CNTN5: variants seen among roughly 807,000 people sequenced by gnomAD.
CNTN5 encodes the protein contactin-5.
Under a neutral mutation model 129.1 loss-of-function variants are expected in CNTN5, and 77 were observed. The observed-to-expected ratio is 0.60, with a 90% CI of 0.50 to 0.72. The LOEUF is 0.72. Ranked by LOEUF, CNTN5 falls within the 30% of genes least tolerant of loss-of-function variation. The pLI is 0.00. For synonymous variants in CNTN5, 509 were observed against 465.6 expected, an observed-to-expected ratio of 1.09 and a Z score of -1.20; for missense variants, 1,478 against 1,328.8, an observed-to-expected ratio of 1.11 and a Z score of -1.75.
In CNTN5 at chr11:99,706,642, C is replaced by G. The variant is rs528245985; in HGVS notation, c.56-112902C>G. Among the ~76,000 whole-genome samples the G allele has an allele frequency of 5.9e-5, 9 of 151,460 alleles. No individual in the cohort carries two copies. The South Asian group carries it at 1.9e-3, about 31-fold the overall frequency. The stretch of plus-strand genomic sequence containing the variant: ...TGGTGTCGTCAGAAACTATTTTTCT[C>G]TCTTGGGTAGAAGTCACTTTTAAAC... On this transcript the variant is annotated intron_variant, in intron 3 of 24. Transcript: ENST00000524871.
chr11:99,732,830 C>A (rs555904702), intron 3 of CNTN5, among the ~76,000 whole-genome samples: 1 of 150,902 alleles, frequency 6.6e-6, no homozygotes, highest in South Asian at 2.2e-4. Flanking sequence ...GGACTGAAAG[C>A]GACCAGTTAA....
intron 1 of CNTN5, among the ~76,000 whole-genome samples, chr11:99,289,293 A>T (rs61893129): frequency 0.04 from 6,037 of 151,780 alleles, 222 homozygotes; most frequent in East Asian, 0.16. Context: ...AGCCATTTAA[A>T]TAGTCACAAA....
intron 13 of CNTN5, among the ~76,000 whole-genome samples, chr11:100,099,172 A>C (rs1945127448): frequency 1.3e-5 from 2 of 152,108 alleles, no homozygotes; most frequent in South Asian, 4.1e-4. Context: ...AAACATAAAA[A>C]CAGTGAGGCC....
chr11:99,278,311 G>T (rs1863541294), intron 1 of CNTN5, among the ~76,000 whole-genome samples: 1 of 151,640 alleles, frequency 6.6e-6, no homozygotes, highest in Non-Finnish European at 1.5e-5. Context: ...AAGTTTAACA[G>T]ATGTAGTCAT....
In CNTN5 at chr11:99,745,319, C is replaced by T. The variant is rs192813253; in HGVS notation, c.56-74225C>T. ...GTAAACTGACTCTACACTTCTGTAA[C>T]CCTCCCAGAAATATCAGTAAACATT... On this transcript the variant is annotated intron_variant, in intron 3 of 24. Transcript: ENST00000524871. Among the ~76,000 whole-genome samples, 445 of 152,220 alleles carry T rather than the reference C, an allele frequency of 2.9e-3. 3 individuals are homozygous for T. The highest frequency in any genetic ancestry group is 0.01 in the African/African-American group (425 of 41,524).
At chr11:99,768,357 A>G (rs1258424935) in intron 3 of CNTN5, among the ~76,000 whole-genome samples, 3 of 152,154 alleles carry the variant, frequency 2.0e-5, no homozygotes, top group African/African-American at 7.2e-5. Context: ...TAAGAAGAAC[A>G]TCGTCCTATA....
At position 100,162,842 on chromosome 11, in the gene CNTN5, A is replaced by G. The variant is rs1222864092; in HGVS notation, c.1581-28284A>G. ...TAACTGCCTTTTTTCCCCAGTTGCTAAGTAATATTTCACCTTTCATCAGAA... is the reference window on the plus strand; with the variant it reads ...TAACTGCCTTTTTTCCCCAGTTGCTGAGTAATATTTCACCTTTCATCAGAA... On this transcript the variant is annotated intron_variant, in intron 13 of 24. Transcript: ENST00000524871. Among the ~76,000 whole-genome samples the G allele has an allele frequency of 1.4e-4, 21 of 151,800 alleles. 1 individual carries two copies. The highest frequency in any genetic ancestry group is 1.4e-3 in the Admixed American group (21 of 15,192).
intron 18 of CNTN5, among the ~76,000 whole-genome samples, chr11:100,291,436 T>A (rs4323836): frequency 2.2e-5 from 3 of 135,798 alleles, no homozygotes; most frequent in Non-Finnish European, 4.8e-5. Context: ...CCATAAAATA[T>A]GATGAGTTCA....
chr11:100,231,742 A>T (rs1008175643), intron 16 of CNTN5, among the ~76,000 whole-genome samples: 1 of 152,200 alleles, frequency 6.6e-6, no homozygotes, highest in Non-Finnish European at 1.5e-5. Context: ...AGGGTTCTCC[A>T]TTCTATTCTA....
chr11:99,232,628 T>TA lies in CNTN5; in HGVS notation c.-209-92718_-209-92717insA, dbSNP rs1861062490. 2.6e-5 allele frequency among the ~76,000 whole-genome samples: 4 copies of TA among 152,310 alleles called. No individual in the cohort carries two copies. The South Asian group carries it at 8.3e-4, about 32-fold the overall frequency. ...GACAATTTGACTTCCTGTCTTCCTA[T>TA]TCGAATGCCCTTTATTTCTTTCTCT... On this transcript the variant is annotated intron_variant, in intron 1 of 24. Transcript: ENST00000524871.
At chr11:99,825,605 T>C (rs1946929040) in intron 4 of CNTN5, among the ~76,000 whole-genome samples, 1 of 152,084 alleles carries the variant, frequency 6.6e-6, no homozygotes, top group Non-Finnish European at 1.5e-5. Context: ...ACTATCTTAG[T>C]CTTTATCTGT....
intron 1 of CNTN5, among the ~76,000 whole-genome samples, chr11:99,061,617 A>G (rs1178225558): frequency 6.6e-6 from 1 of 152,164 alleles, no homozygotes; most frequent in Non-Finnish European, 1.5e-5. Flanking sequence ...GCAAAGCAAA[A>G]TCTTCATAAA....
At chr11:100,327,839 CA>C (rs1443875988) in intron 21 of CNTN5, among the ~76,000 whole-genome samples, 4 of 152,092 alleles carry the variant, frequency 2.6e-5, no homozygotes, top group South Asian at 2.1e-4. Flanking sequence ...AATAGAAAGA[CA>C]AAATTTGATT....
intron 6 of CNTN5, among the ~76,000 whole-genome samples, chr11:99,907,463 T>C (rs940017906): frequency 6.6e-6 from 1 of 152,142 alleles, no homozygotes; most frequent in African/African-American, 2.4e-5. Context: ...AACTATGTTG[T>C]CCAGTTGCCT....
intron 1 of CNTN5, among the ~76,000 whole-genome samples, chr11:99,045,289 C>T (rs1864161654): frequency 1.3e-5 from 2 of 152,134 alleles, no homozygotes; most frequent in Non-Finnish European, 2.9e-5. Context: ...AATAATTATA[C>T]ATATATCAAA....
chr11:99,622,750 C>T lies in CNTN5; in HGVS notation c.55+66481C>T, dbSNP rs1950993366. Among the ~76,000 whole-genome samples, 3 of 151,974 alleles carry T rather than the reference C, an allele frequency of 2.0e-5. No individual in the cohort carries two copies. The East Asian group carries it at 5.8e-4, about 29-fold the overall frequency. ...GATTATTCAATGAAAAGGCCCGTTC[C>T]CTGGAAAGGTTATACACATGACTTT... is the stretch of plus-strand genomic sequence containing the variant. On this transcript the variant is annotated intron_variant, in intron 3 of 24. Transcript: ENST00000524871.
At chr11:99,414,600 A>C (rs1942560714) in intron 2 of CNTN5, among the ~76,000 whole-genome samples, 1 of 152,116 alleles carries the variant, frequency 6.6e-6, no homozygotes. Flanking sequence ...CTATATAATC[A>C]GGGCAGATAG....
At chr11:99,792,563 G>GTC (rs1565538249) in intron 3 of CNTN5, among the ~76,000 whole-genome samples, 1 of 123,618 alleles carries the variant, frequency 8.1e-6, no homozygotes, top group Admixed American at 9.2e-5. Context: ...GTGTGTGTGT[G>GTC]TGTGTGTGTG....
intron 2 of CNTN5, among the ~76,000 whole-genome samples, chr11:99,456,365 A>G (rs754986149): frequency 6.6e-5 from 10 of 152,130 alleles, no homozygotes; most frequent in Non-Finnish European, 1.2e-4. Context: ...TTGCTAATCC[A>G]TTACCTTTGG....
Sources: allele counts gnomAD v4.1 joint callset (sites outside exome capture counted in the v4.1 genomes callset), GRCh38; gene constraint gnomAD v4.1.1; transcripts MANE v1.5; gene names NCBI Gene and HGNC (gene_info 2026-07-23, HGNC 2026-07-21).